Variants in SPAG16 observed in about 807,000 individuals in gnomAD.
SPAG16 encodes sperm associated antigen 16.
Under a neutral mutation model 80.4 loss-of-function variants are expected in SPAG16, and 86 were observed. The observed-to-expected ratio is 1.07, with a 90% CI of 0.90 to 1.28. The LOEUF is 1.28. Ranked by LOEUF, SPAG16 falls within the 50% of genes most tolerant of loss-of-function variation. SPAG16 has a pLI of 0.00. For missense variants in SPAG16, 870 were observed against 765.3 expected (o/e 1.14, Z -1.61); for synonymous variants, 294 against 265.9 (o/e 1.11, Z -1.03).
chr2:214,141,487 A>C (rs989933109), intron 14 of SPAG16, among the ~76,000 whole-genome samples: 5 of 151,916 alleles, frequency 3.3e-5, no homozygotes, highest in South Asian at 4.1e-4. Context: ...AAACCAAAAA[A>C]ATTACTGATT....
intron 9 of SPAG16, among the ~76,000 whole-genome samples, chr2:213,422,934 C>T (rs1169553465): frequency 6.6e-5 from 10 of 152,212 alleles, no homozygotes; most frequent in Non-Finnish European, 1.5e-4. Context: ...AAGTACTTTT[C>T]TCTTCCCTGC....
At chr2:213,442,282 T>C (rs941642276) in intron 9 of SPAG16, among the ~76,000 whole-genome samples, 5 of 152,234 alleles carry the variant, frequency 3.3e-5, no homozygotes, top group Non-Finnish European at 7.3e-5. Flanking sequence ...AAGAACTAAA[T>C]AAATGGAGAT....
At chr2:213,358,858 C>A (rs1267752889) in intron 7 of SPAG16, among the ~76,000 whole-genome samples, 1 of 152,118 alleles carries the variant, frequency 6.6e-6, no homozygotes, top group African/African-American at 2.4e-5. Context: ...TTAGAATTTT[C>A]CACTTTTCTG....
At chr2:214,286,450 T>TA (rs200576702) in intron 15 of SPAG16, among the ~76,000 whole-genome samples, 3,826 of 152,016 alleles carry the variant, frequency 0.025, 111 homozygotes, top group African/African-American at 0.068. Flanking sequence ...AAATAGTGTA[T>TA]AAAAAAATAA....
intron 10 of SPAG16, among the ~76,000 whole-genome samples, chr2:213,544,447 C>T (rs1214020383): frequency 2.0e-5 from 3 of 152,030 alleles, no homozygotes; most frequent in Admixed American, 6.5e-5. Context: ...CCCACACGTA[C>T]ATAGCCTCCT....
chr2:214,152,230 A>G (rs1480768718), intron 15 of SPAG16, among the ~76,000 whole-genome samples: 1 of 152,228 alleles, frequency 6.6e-6, no homozygotes, highest in Non-Finnish European at 1.5e-5. Flanking sequence ...TTATAAAAGT[A>G]TATATGTACT....
At chr2:213,797,163 G>A (rs566155667) in intron 10 of SPAG16, among the ~76,000 whole-genome samples, 250 of 152,044 alleles carry the variant, frequency 1.6e-3, no homozygotes, top group Non-Finnish European at 3.1e-3. Flanking sequence ...TAAGACATCC[G>A]TAAAGTTAAA....
chr2:213,286,054 A>G, intron 1 of SPAG16: 1 of 522,782 alleles, frequency 1.9e-6, no homozygotes. Context: ...GGAGTCTAAC[A>G]TAACACAACT....
At chr2:214,034,475 C>T (rs560451381) in intron 13 of SPAG16, among the ~76,000 whole-genome samples, 50 of 152,334 alleles carry the variant, frequency 3.3e-4, no homozygotes, top group African/African-American at 1.1e-3. Context: ...TGGGCCAACT[C>T]AGCAGGCTGC....
chr2:213,732,038 A>G (rs966783187), intron 10 of SPAG16, among the ~76,000 whole-genome samples: 1 of 151,988 alleles, frequency 6.6e-6, no homozygotes, highest in African/African-American at 2.4e-5. Flanking sequence ...TAGGGTTTAT[A>G]TAGTTTTTGG....
intron 12 of SPAG16, among the ~76,000 whole-genome samples, chr2:213,937,359 C>G (rs545113848): frequency 6.6e-6 from 1 of 152,104 alleles, no homozygotes; most frequent in East Asian, 1.9e-4. Flanking sequence ...CCTTCTTATA[C>G]TTGAAAGGGC....
intron 10 of SPAG16, among the ~76,000 whole-genome samples, chr2:213,585,245 A>G (rs1365954768): frequency 6.6e-6 from 1 of 151,346 alleles, no homozygotes; most frequent in African/African-American, 2.4e-5. Flanking sequence ...GATCCTTAAA[A>G]TAGATTTCCT....
chr2:214,096,005 G>A (rs1293762132), intron 13 of SPAG16, among the ~76,000 whole-genome samples: 1 of 151,700 alleles, frequency 6.6e-6, no homozygotes, highest in Non-Finnish European at 1.5e-5. Context: ...TCTGAATTTG[G>A]GAAAATTGAA....
intron 10 of SPAG16, among the ~76,000 whole-genome samples, chr2:213,561,942 G>C (rs530810067): frequency 6.6e-6 from 1 of 152,214 alleles, no homozygotes; most frequent in Non-Finnish European, 1.5e-5. Context: ...TTGAATTGCA[G>C]TTTATGCTCA....
At chr2:213,750,722 A>G (rs1201639713) in intron 10 of SPAG16, among the ~76,000 whole-genome samples, 1 of 152,232 alleles carries the variant, frequency 6.6e-6, no homozygotes, top group African/African-American at 2.4e-5. Flanking sequence ...GGTTCTGCCA[A>G]TTAGATGCAC....
intron 11 of SPAG16, among the ~76,000 whole-genome samples, chr2:213,912,955 A>G (rs992842633): frequency 1.3e-5 from 2 of 152,154 alleles, no homozygotes; most frequent in Non-Finnish European, 2.9e-5. Context: ...GAAATCACCT[A>G]CCTATTTGAC....
chr2:213,868,498 T>C (rs1169301157), intron 11 of SPAG16, among the ~76,000 whole-genome samples: 3 of 152,196 alleles, frequency 2.0e-5, no homozygotes, highest in Non-Finnish European at 4.4e-5. Context: ...TCAGTAAAAC[T>C]CATGCTACAT....
intron 9 of SPAG16, among the ~76,000 whole-genome samples, chr2:213,385,097 T>G (rs1360323129): frequency 6.6e-6 from 1 of 152,186 alleles, no homozygotes; most frequent in African/African-American, 2.4e-5. Flanking sequence ...TTGCTGCTCC[T>G]CTCACCTTAC....
chr2:213,718,359 AC>A (rs1288837490), intron 10 of SPAG16, among the ~76,000 whole-genome samples: 4 of 151,546 alleles, frequency 2.6e-5, no homozygotes, highest in African/African-American at 7.3e-5. Flanking sequence ...TGCTCTCGGC[AC>A]CCCCCCTGCC....
Sources: gnomAD v4.1 joint callset for allele counts (sites outside exome capture counted in the v4.1 genomes callset) on GRCh38, gnomAD v4.1.1 for gene constraint, MANE v1.5 for transcripts, NCBI Gene and HGNC (gene_info 2026-07-23, HGNC 2026-07-21) for gene names.